Variants in FNIP2 observed in about 807,000 individuals in gnomAD.
The protein encoded by FNIP2 is folliculin interacting protein 2, also known as folliculin-interacting protein 2.
FNIP2 carries 32 observed loss-of-function variants against 108.7 expected under a neutral mutation model. The ratio of observed to expected loss-of-function variants is 0.29; its 90% CI spans 0.22 to 0.40. FNIP2 has a LOEUF of 0.40. Ranked by LOEUF, FNIP2 falls within the 10% of genes least tolerant of loss-of-function variation. The probability of loss-of-function intolerance (pLI) is 1.00; values close to 1 mark genes in which losing one functional copy is unlikely to be tolerated. For synonymous variants in FNIP2, 480 were observed against 496.7 expected (o/e 0.97, Z 0.45); for missense variants, 1,202 against 1,381.6 (o/e 0.87, Z 2.06).
chr4:158,800,775 G>A (rs559306883), intron 1 of FNIP2, among the ~76,000 whole-genome samples: 77 of 152,038 alleles, frequency 5.1e-4, no homozygotes, highest in African/African-American at 1.8e-3. Context: ...TTATCAAACT[G>A]CATATACAAT....
chr4:158,828,866 A>G (rs1778302676), intron 2 of FNIP2, among the ~76,000 whole-genome samples: 1 of 152,218 alleles, frequency 6.6e-6, no homozygotes, highest in Non-Finnish European at 1.5e-5. Context: ...TAAAGTCTTA[A>G]TACATAACCT....
intron 7 of FNIP2, among the ~76,000 whole-genome samples, chr4:158,841,254 G>A (rs1261436655): frequency 6.6e-6 from 1 of 152,196 alleles, no homozygotes. Flanking sequence ...TGCGAGATAA[G>A]GCTGGGGTGA....
At chr4:158,844,874 G>A (rs770044266) in intron 7 of FNIP2, among the ~76,000 whole-genome samples, 2 of 152,334 alleles carry the variant, frequency 1.3e-5, no homozygotes, top group South Asian at 2.1e-4. Flanking sequence ...AGGAACAGCA[G>A]CAAGCAGCAT....
At chr4:158,871,328 C>T (rs986594265) in intron 14 of FNIP2, 18 of 934,416 alleles carry the variant, frequency 1.9e-5, no homozygotes, top group Non-Finnish European at 2.3e-5. Flanking sequence ...CATTTTGTAT[C>T]TTGTGCAATA....
At chr4:158,837,088 C>G (rs1176617282) in intron 7 of FNIP2, among the ~76,000 whole-genome samples, 2 of 152,146 alleles carry the variant, frequency 1.3e-5, no homozygotes. Context: ...CCTTTGTAAC[C>G]ACCTGCGACC....
chr4:158,860,632 G>A (rs1160750593), intron 10 of FNIP2, among the ~76,000 whole-genome samples: 1 of 150,406 alleles, frequency 6.6e-6, no homozygotes, highest in Non-Finnish European at 1.5e-5. Context: ...TCACTGGCTT[G>A]CGCTTGAGAA....
intron 1 of FNIP2, among the ~76,000 whole-genome samples, chr4:158,810,656 G>C (rs1309271797): frequency 6.6e-6 from 1 of 152,146 alleles, no homozygotes; most frequent in Non-Finnish European, 1.5e-5. Context: ...GATTTTCATA[G>C]ACGCTAACAA....
At chr4:158,866,021 C>T (rs1780556331) in intron 12 of FNIP2, among the ~76,000 whole-genome samples, 1 of 150,660 alleles carries the variant, frequency 6.6e-6, no homozygotes, top group Non-Finnish European at 1.5e-5. Context: ...CGATGGTTCT[C>T]ATAACTTTTT....
At chr4:158,862,770 A>G (rs1780366242) in intron 12 of FNIP2, among the ~76,000 whole-genome samples, 1 of 152,196 alleles carries the variant, frequency 6.6e-6, no homozygotes, top group Admixed American at 6.5e-5. Context: ...CCTGGGGAAG[A>G]CAGAACATGG....
chr4:158,835,557 G>A, intron 7 of FNIP2, 81 bp downstream of exon 7: 1 of 1,255,104 alleles, frequency 8.0e-7, no homozygotes, highest in Non-Finnish European at 1.2e-6. Context: ...TAGAAGACAG[G>A]TAGATAACCC....
intron 8 of FNIP2, among the ~76,000 whole-genome samples, chr4:158,851,849 A>G (rs951635976): frequency 6.6e-6 from 1 of 152,210 alleles, no homozygotes; most frequent in African/African-American, 2.4e-5. Context: ...AGGGTTTGTG[A>G]TATATTCTCT....
rs950236158 is a variant in FNIP2, at chr4:158,905,982, A to C, written c.*1438A>C. The stretch of plus-strand genomic sequence containing the variant: ...TGAAGTAATTTCCCTATTAGGGACT[A>C]GAATGACTTCAGTTTTTTCATTTGA... On this transcript the variant is annotated 3_prime_UTR_variant, in exon 17 of 17. Transcript: ENST00000264433. The C allele has an allele frequency of 5.9e-5, 9 of 152,356 alleles. No homozygotes were observed. The highest frequency in any genetic ancestry group is 3.4e-3 in the Middle Eastern group (1 of 294). The allele number at this position is 152,356 out of a possible 1,614,324, so 9.4% of individuals were successfully genotyped here. A position where few individuals can be genotyped will look rare whatever the true frequency, so the allele number is the denominator to read the frequency against.
At chr4:158,842,899 A>C (rs1779205433) in intron 7 of FNIP2, among the ~76,000 whole-genome samples, 1 of 152,140 alleles carries the variant, frequency 6.6e-6, no homozygotes, top group Non-Finnish European at 1.5e-5. Flanking sequence ...ACTATAATGT[A>C]TTCCTTATAA....
chr4:158,828,937 T>C, intron 2 of FNIP2, 142 bp from the exon 3 acceptor site: 1 of 657,846 alleles, frequency 1.5e-6, no homozygotes, highest in Non-Finnish European at 2.5e-6. Context: ...GTTTTTGTCA[T>C]TATTGGGGAA....
intron 14 of FNIP2, chr4:158,889,878 A>G (rs1379881257): frequency 1.0e-5 from 10 of 984,994 alleles, no homozygotes; most frequent in Non-Finnish European, 1.2e-5. Context: ...AATTTATAAC[A>G]CAGGATGAAC....
chr4:158,903,522 T>G (rs1244121415), intron 16 of FNIP2, among the ~76,000 whole-genome samples: 1 of 152,208 alleles, frequency 6.6e-6, no homozygotes, highest in Non-Finnish European at 1.5e-5. Context: ...TCAACACGTG[T>G]AATCATAAGC....
chr4:158,796,251 G>C (rs1364069198), intron 1 of FNIP2, among the ~76,000 whole-genome samples: 1 of 152,196 alleles, frequency 6.6e-6, no homozygotes, highest in African/African-American at 2.4e-5. Flanking sequence ...AAAGTTAAAT[G>C]AGCGGTACTT....
At chr4:158,865,565 G>A (rs1445709027) in intron 12 of FNIP2, among the ~76,000 whole-genome samples, 1 of 152,058 alleles carries the variant, frequency 6.6e-6, no homozygotes, top group African/African-American at 2.4e-5. Context: ...CAAATGCATT[G>A]CTAAAAAATA....
At chr4:158,824,985 T>C (rs1213052306) in intron 1 of FNIP2, among the ~76,000 whole-genome samples, 2 of 152,244 alleles carry the variant, frequency 1.3e-5, no homozygotes, top group Non-Finnish European at 2.9e-5. Flanking sequence ...TTTTGTACTT[T>C]TCACAGTTTG....
Sources: allele counts gnomAD v4.1 joint callset (sites outside exome capture counted in the v4.1 genomes callset), GRCh38; gene constraint gnomAD v4.1.1; transcripts MANE v1.5; gene names NCBI Gene and HGNC (gene_info 2026-07-23, HGNC 2026-07-21).